WSCD1: variants seen among roughly 807,000 people sequenced by gnomAD.
The protein encoded by WSCD1 is WSC domain sialate O sulfotransferase 1.
A neutral mutation model predicts 60.4 loss-of-function variants in WSCD1; 41 were observed. That is an observed-to-expected ratio of 0.68 (90% CI 0.53 to 0.88). WSCD1 has a LOEUF of 0.88. WSCD1 is among the 40% of genes least tolerant of loss of function. WSCD1 has a pLI of 0.00. For missense variants in WSCD1, 784 were observed against 796.2 expected, an observed-to-expected ratio of 0.98 and a Z score of 0.18; for synonymous variants, 361 against 332.5, an observed-to-expected ratio of 1.09 and a Z score of -0.93.
In WSCD1 at chr17:6,090,354, G is replaced by A. The variant is rs751311579; in HGVS notation, c.576G>A (p.Ala192=). 1.2e-5 allele frequency: 20 copies of A among 1,607,132 alleles called. No homozygotes were observed. The African/African-American group carries it at 1.9e-4, about 15-fold the overall frequency. Residue 192 remains alanine, a synonymous_variant, in exon 4 of 9, where the codon GCG becomes GCA. Transcript: ENST00000317744. ...TCTACGCCGGCTTGGAGGCCGGGGC[G>A]GAGTGTTACTGCGGGAACCGGCTGC... is the stretch of plus-strand genomic sequence containing the variant. ...SYVYAGLEAG[A]ECYCGNRLPA...
At chr17:6,091,588 C>T (rs549513979) in intron 4 of WSCD1, among the ~76,000 whole-genome samples, 30 of 152,312 alleles carry the variant, frequency 2.0e-4, no homozygotes, top group Admixed American at 5.2e-4. Flanking sequence ...AGCACAAATC[C>T]GCTTCCTCTA....
chr17:6,094,385 A>G (rs1323337820), intron 4 of WSCD1, among the ~76,000 whole-genome samples: 1 of 152,216 alleles, frequency 6.6e-6, no homozygotes, highest in Non-Finnish European at 1.5e-5. Context: ...CGGCACAGCA[A>G]GAACAAACAT....
chr17:6,100,739 C>G (rs1203384076), intron 5 of WSCD1, among the ~76,000 whole-genome samples: 1 of 152,182 alleles, frequency 6.6e-6, no homozygotes, highest in East Asian at 1.9e-4. Context: ...CCCATATTCC[C>G]TCAGTTGTGA....
At position 6,080,358 on chromosome 17, in the gene WSCD1, C is replaced by G; in HGVS notation, c.-288-13C>G. The G allele has an allele frequency of 2.3e-6, 1 of 435,608 alleles. No homozygotes were observed. The highest frequency in any genetic ancestry group is 4.1e-6 in the Non-Finnish European group (1 of 244,370). 27.0% of individuals were successfully genotyped at this position (435,608 alleles called of 1,614,324 possible). ...CGCCTATTACATCTCGGTGCTCTTT[C>G]TCCACCTTCCAGATTTCTGCGCCAG... On this transcript the variant is annotated splice_polypyrimidine_tract_variant and intron_variant, in intron 1 of 8. Transcript: ENST00000317744. This position sits in a 1 kb window ranked among gnomAD's most constrained non-coding sequence, Gnocchi z 6.6.
chr17:6,115,687 T>G (rs972804922), intron 7 of WSCD1, among the ~76,000 whole-genome samples: 2 of 152,024 alleles, frequency 1.3e-5, no homozygotes, highest in African/African-American at 4.8e-5. Context: ...CTCCGCCTCT[T>G]GGGTTCAAGC....
chr17:6,096,079 G>A (rs1597361244), intron 5 of WSCD1, among the ~76,000 whole-genome samples: 2 of 152,346 alleles, frequency 1.3e-5, no homozygotes, highest in South Asian at 2.1e-4. Flanking sequence ...GCTGCCATTC[G>A]TTGATCGCTC....
In WSCD1 at chr17:6,080,787, A is replaced by T; in HGVS notation, c.129A>T (p.Pro43=). 1 of 1,611,074 alleles carries T rather than the reference A, an allele frequency of 6.2e-7. No homozygotes were observed. The highest frequency in any genetic ancestry group is 8.5e-7 in the Non-Finnish European group (1 of 1,179,124). Residue 43 remains proline, a synonymous_variant, in exon 2 of 9, where the codon CCA becomes CCT. Transcript: ENST00000317744. The surrounding 1 kb of genome is among the most constrained non-coding windows in gnomAD (Gnocchi z 6.6). ...TGCAGCGGGTCCGCGTGGCTCTCCCACAGGGCCCCCGGGCACCCGGCCCCC... is the reference window on the plus strand; with the variant it reads ...TGCAGCGGGTCCGCGTGGCTCTCCCTCAGGGCCCCCGGGCACCCGGCCCCC... ...LLLQRVRVAL[P]QGPRAPGPLQ... is the part of the protein sequence containing the mutation.
intron 1 of WSCD1, among the ~76,000 whole-genome samples, chr17:6,078,868 A>T (rs1049218314): frequency 2.0e-5 from 3 of 151,920 alleles, no homozygotes; most frequent in Non-Finnish European, 4.4e-5. Context: ...ATTTCTTGGG[A>T]TTTTCTCTGT....
Position 6,121,197 on chromosome 17 carries a change from A to C in WSCD1, c.*536A>C, listed in dbSNP as rs1904678600. ...TGAGCAGCAAGGACCATTGGGATGG[A>C]GGTGGGCACAAAGACTGCTGCTTCC... On this transcript the variant is annotated 3_prime_UTR_variant, in exon 9 of 9. Coordinates refer to ENST00000317744, the MANE Select transcript of WSCD1 (RefSeq NM_015253.2). 1 of 156,122 alleles carries C rather than the reference A, an allele frequency of 6.4e-6. No homozygotes were observed. 9.7% of individuals were successfully genotyped at this position (156,122 alleles called of 1,614,324 possible).
Position 6,075,523 on chromosome 17 carries a change from C to T in WSCD1, c.-288-4848C>T, listed in dbSNP as rs941031603. ...TTGCTGCTCCCTCGGTCCCAGATGG[C>T]AACAAAGTAATAGACAAAAGCTCAG... On this transcript the variant is annotated intron_variant, in intron 1 of 8. Transcript: ENST00000317744. This position sits in a 1 kb window ranked among gnomAD's most constrained non-coding sequence, Gnocchi z 4.1. 6.6e-6 allele frequency among the ~76,000 whole-genome samples: 1 copy of T among 152,170 alleles called. No homozygotes were observed. Among genetic ancestry groups the T allele is most frequent in the Non-Finnish European group, 1.5e-5 (1 of 68,034 alleles).
intron 5 of WSCD1, 74 bp downstream of exon 5, chr17:6,095,297 T>A: frequency 6.7e-7 from 1 of 1,501,634 alleles, no homozygotes; most frequent in East Asian, 2.6e-5. Flanking sequence ...GGGGCACATG[T>A]GCTGGGCTGC....
chr17:6,099,851 G>A (rs559358104), intron 5 of WSCD1, among the ~76,000 whole-genome samples: 8 of 152,192 alleles, frequency 5.3e-5, no homozygotes, highest in South Asian at 2.1e-4. Context: ...GTCTCTGTAC[G>A]GGGAGCTGTT....
At chr17:6,087,547 G>T (rs1478191133) in intron 2 of WSCD1, among the ~76,000 whole-genome samples, 1 of 152,186 alleles carries the variant, frequency 6.6e-6, no homozygotes, top group Non-Finnish European at 1.5e-5. Flanking sequence ...TGCCCTAACT[G>T]ATTTCTTCTC....
chr17:6,073,157 G>A (rs1908646597), intron 1 of WSCD1, among the ~76,000 whole-genome samples: 1 of 152,132 alleles, frequency 6.6e-6, no homozygotes, highest in Non-Finnish European at 1.5e-5. Context: ...GCATCAAGTT[G>A]GGCAGGTCTG....
intron 5 of WSCD1, among the ~76,000 whole-genome samples, chr17:6,104,862 G>GCTGGGCATC (rs2150560737): frequency 6.6e-6 from 1 of 152,310 alleles, no homozygotes; most frequent in East Asian, 1.9e-4. Context: ...CACCTGGCAG[G>GCTGGGCATC]CTGGGCATCC....
chr17:6,110,304 G>C lies in WSCD1; in HGVS notation c.1010-467G>C, dbSNP rs370008300. On this transcript the variant is annotated intron_variant, in intron 6 of 8. Coordinates refer to ENST00000317744, the MANE Select transcript of WSCD1 (RefSeq NM_015253.2). The surrounding 1 kb of genome is among the most constrained non-coding windows in gnomAD (Gnocchi z 4.8). ...TGGGGCTTTCCCCTGGTGATTTCATGTGCTCCTTGTAGCAGCCCTGGGGAT... is the reference window on the plus strand; with the variant it reads ...TGGGGCTTTCCCCTGGTGATTTCATCTGCTCCTTGTAGCAGCCCTGGGGAT... Among the ~76,000 whole-genome samples, 3 of 152,316 alleles carry C rather than the reference G, an allele frequency of 2.0e-5. No individual in the cohort carries two copies. Among genetic ancestry groups the C allele is most frequent in the East Asian group, 3.9e-4 (2 of 5,188 alleles).
intron 1 of WSCD1, among the ~76,000 whole-genome samples, chr17:6,072,032 G>A (rs536296737): frequency 6.6e-6 from 1 of 152,264 alleles, no homozygotes; most frequent in South Asian, 2.1e-4. Context: ...CCGCCAGAAG[G>A]CTCTCACCTG....
chr17:6,118,110 A>C lies in WSCD1; in HGVS notation c.1297A>C (p.Arg433=). The change falls in exon 8 of 9, where the codon AGG becomes CGG. Residue 433 remains arginine (R), a synonymous_variant. Coordinates refer to ENST00000317744, the MANE Select transcript of WSCD1 (RefSeq NM_015253.2). The surrounding 1 kb of genome is among the most constrained non-coding windows in gnomAD (Gnocchi z 5.8). Reference sequence around the variant, plus strand: ...CATCCTGCTAATCCGGAACCCATACAGGTCCCTGGTGGCAGAATTCAACAG... The same window carrying C: ...CATCCTGCTAATCCGGAACCCATACCGGTCCCTGGTGGCAGAATTCAACAG... The part of the protein sequence containing the change: ...SAILLIRNPY[R]SLVAEFNRKC... 1.2e-6 allele frequency: 2 copies of C among 1,614,190 alleles called. No individual in the cohort carries two copies. Among genetic ancestry groups the C allele is most frequent in the Non-Finnish European group, 1.7e-6 (2 of 1,180,026 alleles).
rs1171616404 is a variant in WSCD1 at position 6,086,274 on chromosome 17, T to TATATAC, written c.428-1715_428-1714insTATACA. Among the ~76,000 whole-genome samples, 11 of 145,746 alleles carry TATATAC rather than the reference T, an allele frequency of 7.5e-5. No homozygotes were observed. The East Asian group carries it at 2.2e-3, about 29-fold the overall frequency. Reference sequence around the variant, plus strand: ...TCATATATATATATATATATATATATACTTATGTACTTCATGCATTACTGC... The same window carrying TATATAC: ...TCATATATATATATATATATATATATATATACACTTATGTACTTCATGCATTACTGC... On this transcript the variant is annotated intron_variant, in intron 2 of 8. Coordinates refer to ENST00000317744, the MANE Select transcript of WSCD1 (RefSeq NM_015253.2).
Sources: gnomAD v4.1 joint callset for allele counts (sites outside exome capture counted in the v4.1 genomes callset) on GRCh38, gnomAD v4.1.1 for gene constraint, Gnocchi (gnomAD v3.1) non-coding constraint, MANE v1.5 for transcripts, NCBI Gene and HGNC (gene_info 2026-07-23, HGNC 2026-07-21) for gene names.